RRBP1: variants seen among roughly 807,000 people sequenced by gnomAD.
RRBP1 encodes the protein ribosome binding protein 1, also known as ribosome-binding protein 1.
In RRBP1, 94 loss-of-function variants were observed where a neutral mutation model predicts 165.2. That is an observed-to-expected ratio of 0.57 (90% CI 0.48 to 0.68). The LOEUF is 0.68. Among genes scored for constraint, RRBP1 ranks in the 30% least tolerant of loss-of-function variants. The pLI is 0.00. For synonymous variants in RRBP1, 680 were observed against 714.5 expected, an observed-to-expected ratio of 0.95 and a Z score of 0.77; for missense variants, 1,676 against 1,763.0, an observed-to-expected ratio of 0.95 and a Z score of 0.88.
chr20:17,673,228 T>C (rs550483488), intron 2 of RRBP1, among the ~76,000 whole-genome samples: 10 of 152,348 alleles, frequency 6.6e-5, no homozygotes, highest in Non-Finnish European at 1.3e-4. Flanking sequence ...TATGGAGCCC[T>C]GTTACTACTG....
chr20:17,619,742 C>A lies in RRBP1; in HGVS notation c.3580-14G>T. 6.3e-7 allele frequency: 1 copy of A among 1,585,056 alleles called. No homozygotes were observed. The highest frequency in any genetic ancestry group is 8.6e-7 in the Non-Finnish European group (1 of 1,158,928). ...GTGCTCCCTCACCTGGACAGATGCA[C>A]AGACACGCACACGCATGCGCCAGCA... is the stretch of plus-strand genomic sequence containing the variant. On this transcript the variant is annotated splice_polypyrimidine_tract_variant and intron_variant, in intron 18 of 24. Coordinates refer to ENST00000377813, the MANE Select transcript of RRBP1 (RefSeq NM_001365613.2).
Position 17,630,595 on chromosome 20 carries a change from G to T in RRBP1, c.2611-634C>A, listed in dbSNP as rs143299088. 5.3e-3 allele frequency among the ~76,000 whole-genome samples: 808 copies of T among 152,328 alleles called. 5 individuals are homozygous for T. The highest frequency in any genetic ancestry group is 0.018 in the African/African-American group (754 of 41,562). ...CACACAGAGCTTCAGTGTTTGCCCA[G>T]TTCCCGGCTCAGTGTCAGGCAGGCT... On this transcript the variant is annotated intron_variant, in intron 8 of 24. Coordinates refer to ENST00000377813, the MANE Select transcript of RRBP1 (RefSeq NM_001365613.2).
Position 17,617,478 on chromosome 20 carries a change from T to C in RRBP1, c.3760-639A>G, listed in dbSNP as rs2035823663. Among the ~76,000 whole-genome samples the C allele has an allele frequency of 4.6e-5, 7 of 152,196 alleles. No homozygotes were observed. In the South Asian group the frequency reaches 1.4e-3, roughly 31 times the overall value. On this transcript the variant is annotated intron_variant, in intron 20 of 24. Transcript: ENST00000377813. ...GCGCTGAGGGGCCACCCCAGGTACG[T>C]GGGAACCCCAGACATTCTTCCCTCC...
intron 2 of RRBP1, among the ~76,000 whole-genome samples, chr20:17,663,611 A>T (rs1331364944): frequency 6.6e-6 from 1 of 152,254 alleles, no homozygotes; most frequent in Non-Finnish European, 1.5e-5. Context: ...ACAGCAAAGA[A>T]ATCGAAATGA....
At chr20:17,671,150 C>T (rs2122495819) in intron 2 of RRBP1, among the ~76,000 whole-genome samples, 1 of 152,172 alleles carries the variant, frequency 6.6e-6, no homozygotes, top group African/African-American at 2.4e-5. Context: ...TTCCTGGTTC[C>T]TTTTTCAAAT....
chr20:17,647,204 C>T (rs2036480555), intron 3 of RRBP1, among the ~76,000 whole-genome samples: 1 of 152,214 alleles, frequency 6.6e-6, no homozygotes, highest in African/African-American at 2.4e-5. Context: ...ATTGCTGGGC[C>T]TGGAAAGTTA....
At position 17,659,101 on chromosome 20, in the gene RRBP1, G is replaced by A. The variant is rs1191912559; in HGVS notation, c.1407C>T (p.Gly469=). 6.5e-7 allele frequency: 1 copy of A among 1,537,682 alleles called. No individual in the cohort carries two copies. The highest frequency in any genetic ancestry group is 8.8e-7 in the Non-Finnish European group (1 of 1,142,122). ...GKKAEGAQNQ[G]KKVEGAQNQG... is the part of the protein sequence containing the mutation. ...GGTTCTGGGCCCCTTCTACTTTTTT[G>A]CCCTGGTTCTGAGCACCCTCGGCCT... is the stretch of plus-strand genomic sequence containing the variant. Residue 469 remains glycine (G), a synonymous_variant, in exon 3 of 25, where the codon GGC becomes GGT. Coordinates refer to ENST00000377813, the MANE Select transcript of RRBP1 (RefSeq NM_001365613.2).
chr20:17,618,833 A>G, intron 19 of RRBP1, 154 bp from the exon 20 acceptor site: 1 of 637,962 alleles, frequency 1.6e-6, no homozygotes, highest in Non-Finnish European at 2.8e-6. Flanking sequence ...AGGGCTCGCC[A>G]GGCTTCCTAC....
At chr20:17,629,360 G>T (rs992730124) in intron 9 of RRBP1, among the ~76,000 whole-genome samples, 3 of 152,220 alleles carry the variant, frequency 2.0e-5, no homozygotes, top group Non-Finnish European at 4.4e-5. Flanking sequence ...GGAACCACAG[G>T]CTTGTAAATC....
At chr20:17,638,263 T>C (rs887421284) in intron 5 of RRBP1, among the ~76,000 whole-genome samples, 1 of 152,138 alleles carries the variant, frequency 6.6e-6, no homozygotes, top group Non-Finnish European at 1.5e-5. Flanking sequence ...CTTTGCTGAG[T>C]TTCCGACACA....
intron 3 of RRBP1, among the ~76,000 whole-genome samples, chr20:17,650,646 C>T (rs1190729588): frequency 6.6e-6 from 1 of 152,188 alleles, no homozygotes; most frequent in Non-Finnish European, 1.5e-5. Context: ...ATGAGTGAAG[C>T]AAGCTCCAGT....
Position 17,624,660 on chromosome 20 carries a change from C to A in RRBP1, c.3063G>T (p.Arg1021=). Residue 1021 remains arginine (R), a synonymous_variant, in exon 13 of 25, where the codon CGG becomes CGT. Transcript: ENST00000377813. ...EQQKVKNNDL[R]EKNWKAMEAL... ...CCTCCATGGCCTTCCAGTTCTTCTCCCGGAGGTCCTGGAGGGGACACAGGT... is the reference window on the plus strand; with the variant it reads ...CCTCCATGGCCTTCCAGTTCTTCTCACGGAGGTCCTGGAGGGGACACAGGT... 6.3e-7 allele frequency: 1 copy of A among 1,581,750 alleles called. No homozygotes were observed. Among genetic ancestry groups the A allele is most frequent in the Non-Finnish European group, 8.6e-7 (1 of 1,164,550 alleles).
chr20:17,661,031 C>T (rs552844301), intron 2 of RRBP1, among the ~76,000 whole-genome samples: 9 of 148,720 alleles, frequency 6.1e-5, no homozygotes, highest in African/African-American at 2.2e-4. Flanking sequence ...TTAGGCCAGA[C>T]ACTTTTAAAA....
Position 17,614,900 on chromosome 20 carries a change from C to T in RRBP1, c.4051-20G>A, listed in dbSNP as rs746281274. On this transcript the variant is annotated intron_variant, in intron 23 of 24. Coordinates refer to ENST00000377813, the MANE Select transcript of RRBP1 (RefSeq NM_001365613.2). ...TCTCTCCTGATGGTCAGAAGGTTGA[C>T]GGGCATCAGCCCTTGCACCGGCAGG... The T allele has an allele frequency of 1.6e-5, 26 of 1,611,162 alleles. No homozygotes were observed. The highest frequency in any genetic ancestry group is 1.5e-4 in the South Asian group (14 of 91,054).
Position 17,614,109 on chromosome 20 carries a change from T to G in RRBP1, c.*73A>C. 8.2e-6 allele frequency: 12 copies of G among 1,461,218 alleles called. No homozygotes were observed. The highest frequency in any genetic ancestry group is 1.1e-5 in the Non-Finnish European group (11 of 1,041,430). The allele number at this position is 1,461,218 out of a possible 1,614,324, so 90.5% of individuals were successfully genotyped here. On this transcript the variant is annotated 3_prime_UTR_variant, in exon 25 of 25. Coordinates refer to ENST00000377813, the MANE Select transcript of RRBP1 (RefSeq NM_001365613.2). ...GCCTGGATAACGCTGTGTAGGTTGG[T>G]TGGTTTATTTGTAAGGAATGTGTAA...
At chr20:17,664,408 C>G (rs1381791245) in intron 2 of RRBP1, among the ~76,000 whole-genome samples, 1 of 152,182 alleles carries the variant, frequency 6.6e-6, no homozygotes, top group East Asian at 1.9e-4. Flanking sequence ...GTAACTGAAA[C>G]CACAAAGAGT....
chr20:17,647,814 T>C (rs2036490990), intron 3 of RRBP1, among the ~76,000 whole-genome samples: 1 of 152,224 alleles, frequency 6.6e-6, no homozygotes, highest in Non-Finnish European at 1.5e-5. Context: ...GTAGTCTGAA[T>C]AGCTGCTGCC....
In RRBP1 at chr20:17,627,672, G is replaced by T. The variant is rs1292758491; in HGVS notation, c.2760C>A (p.Ser920Arg). 1.9e-6 allele frequency: 3 copies of T among 1,604,842 alleles called. No individual in the cohort carries two copies. Among genetic ancestry groups the T allele is most frequent in the African/African-American group, 2.7e-5 (2 of 74,774 alleles). Residue 920 changes from serine to arginine, a missense_variant, in exon 10 of 25, where the codon AGC becomes AGA. Ser to Arg is a moderately radical substitution (Grantham distance 110). Transcript: ENST00000377813. ...CCTCCGCCTCGGAGGACTGTAACTTGCTGTGCAGCTCTGGTGCAGAGGAAG... is the reference window on the plus strand; with the variant it reads ...CCTCCGCCTCGGAGGACTGTAACTTTCTGTGCAGCTCTGGTGCAGAGGAAG... ...EQQQQMAELH[S>R]KLQSSEAEVR...
At chr20:17,655,022 G>A (rs908622909) in intron 3 of RRBP1, among the ~76,000 whole-genome samples, 20 of 152,230 alleles carry the variant, frequency 1.3e-4, no homozygotes, top group African/African-American at 4.6e-4. Flanking sequence ...TTTCTGAAGG[G>A]CATTATATCA....
Sources: gnomAD v4.1 joint callset for allele counts (sites outside exome capture counted in the v4.1 genomes callset) on GRCh38, gnomAD v4.1.1 for gene constraint, MANE v1.5 for transcripts, NCBI Gene and HGNC (gene_info 2026-07-23, HGNC 2026-07-21) for gene names.